The following MALT1 variants were observed in gnomAD, a reference collection of about 807,000 sequenced individuals.
The protein encoded by MALT1 is MALT1 paracaspase, also known as mucosa-associated lymphoid tissue lymphoma translocation protein 1.
A neutral mutation model predicts 85.5 loss-of-function variants in MALT1; 36 were observed. The observed-to-expected ratio is 0.42, with a 90% CI of 0.32 to 0.56. The LOEUF is 0.56. Among genes scored for constraint, MALT1 ranks in the 20% least tolerant of loss-of-function variants. The probability of loss-of-function intolerance (pLI) is 0.10; values close to 1 mark genes in which losing one functional copy is unlikely to be tolerated. For synonymous variants in MALT1, 359 were observed against 361.3 expected, an observed-to-expected ratio of 0.99 and a Z score of 0.07; for missense variants, 716 against 981.6, an observed-to-expected ratio of 0.73 and a Z score of 3.62.
chr18:58,721,035 G>C (rs2054975090), intron 9 of MALT1, among the ~76,000 whole-genome samples: 1 of 152,166 alleles, frequency 6.6e-6, no homozygotes, highest in African/African-American at 2.4e-5. Context: ...CCAGCTAAGA[G>C]TCTTGCTGTA....
At position 58,752,340 on chromosome 18, in the gene MALT1, G is replaced by GT; in HGVS notation, c.*4501dup. The GT allele has an allele frequency of 6.6e-6, 1 of 152,026 alleles. No individual in the cohort carries two copies. Among genetic ancestry groups the GT allele is most frequent in the East Asian group, 1.9e-4 (1 of 5,198 alleles). The allele number at this position is 152,026 out of a possible 1,614,324, so 9.4% of individuals were successfully genotyped here. On this transcript the variant is annotated 3_prime_UTR_variant, in exon 17 of 17. Coordinates refer to ENST00000649217, the MANE Select transcript of MALT1 (RefSeq NM_006785.4). ...TCCAAACAGACGTCCTGACAATGTTGTTTCCTATTCCTTGAACATTCACCT... is the reference window on the plus strand; with the variant it reads ...TCCAAACAGACGTCCTGACAATGTTGTTTTCCTATTCCTTGAACATTCACCT...
At chr18:58,713,982 A>G (rs1444898886) in intron 7 of MALT1, 101 bp from the exon 8 acceptor site, 6 of 627,668 alleles carry the variant, frequency 9.6e-6, no homozygotes, top group East Asian at 2.9e-5. Flanking sequence ...ATAAAACACT[A>G]TAACATGATT....
rs561053379 is a variant in MALT1, at chr18:58,678,978, A to C, written c.210-2192A>C. Reference sequence around the variant, plus strand: ...TGAGGTGTGAATTCTACAGTATATCATGCAGATTATCTAAACACTTTGGTT... The same window carrying C: ...TGAGGTGTGAATTCTACAGTATATCCTGCAGATTATCTAAACACTTTGGTT... On this transcript the variant is annotated intron_variant, in intron 1 of 16. Coordinates refer to ENST00000649217, the MANE Select transcript of MALT1 (RefSeq NM_006785.4). 1.4e-4 allele frequency among the ~76,000 whole-genome samples: 22 copies of C among 152,356 alleles called. 1 individual carries two copies. In the Middle Eastern group the frequency reaches 0.021, roughly 142 times the overall value.
At chr18:58,709,929 C>A (rs748479583) in intron 5 of MALT1, 47 bp from the exon 6 acceptor site, 2 of 1,190,052 alleles carry the variant, frequency 1.7e-6, no homozygotes, top group Non-Finnish European at 2.5e-6. Context: ...TTCTCCAAGC[C>A]ATTAAAATAG....
intron 14 of MALT1, among the ~76,000 whole-genome samples, chr18:58,742,774 G>C (rs1228591088): frequency 6.6e-6 from 1 of 152,196 alleles, no homozygotes; most frequent in Non-Finnish European, 1.5e-5. Flanking sequence ...TGCATAGGTA[G>C]AAATGAGCAT....
intron 1 of MALT1, among the ~76,000 whole-genome samples, chr18:58,673,186 TTC>T (rs2054191904): frequency 1.3e-5 from 2 of 149,112 alleles, no homozygotes; most frequent in Admixed American, 6.6e-5. Flanking sequence ...AAGTCATTCA[TTC>T]AAAATGGTAT....
chr18:58,700,423 T>G lies in MALT1; in HGVS notation c.499-18T>G. The G allele has an allele frequency of 6.3e-7, 1 of 1,578,972 alleles. No homozygotes were observed. Among genetic ancestry groups the G allele is most frequent in the Non-Finnish European group, 8.6e-7 (1 of 1,166,550 alleles). ...GTTTTTGATGAGTCATCCACTTCTC[T>G]TATTGATTCTTTCACAGATTCCAAA... On this transcript the variant is annotated intron_variant, in intron 3 of 16. Coordinates refer to ENST00000649217, the MANE Select transcript of MALT1 (RefSeq NM_006785.4).
intron 10 of MALT1, among the ~76,000 whole-genome samples, chr18:58,731,069 A>T (rs2055142129): frequency 6.6e-6 from 1 of 152,064 alleles, no homozygotes. Flanking sequence ...CTCCTGCCTT[A>T]GCCTCCCAAG....
intron 10 of MALT1, among the ~76,000 whole-genome samples, chr18:58,731,770 C>T (rs999764566): frequency 2.7e-5 from 4 of 146,002 alleles, no homozygotes; most frequent in Non-Finnish European, 5.9e-5. Flanking sequence ...ATAACATAAA[C>T]GTGTGAATCG....
chr18:58,696,294 G>A (rs2054586103), intron 2 of MALT1, 72 bp from the exon 3 acceptor site: 2 of 1,174,968 alleles, frequency 1.7e-6, no homozygotes, highest in South Asian at 2.7e-5. Context: ...TTCAATTTTT[G>A]GTTTCAGATG....
At chr18:58,680,147 C>T (rs1014462410) in intron 1 of MALT1, among the ~76,000 whole-genome samples, 5 of 152,180 alleles carry the variant, frequency 3.3e-5, no homozygotes, top group African/African-American at 4.8e-5. Context: ...ACTATGGCTA[C>T]GAGTTTCTTA....
At chr18:58,735,958 G>T (rs1054544597) in intron 13 of MALT1, among the ~76,000 whole-genome samples, 15 of 151,968 alleles carry the variant, frequency 9.9e-5, no homozygotes, top group African/African-American at 2.9e-4. Flanking sequence ...ATTGCACTGT[G>T]TTTTTTGAAA....
intron 13 of MALT1, among the ~76,000 whole-genome samples, chr18:58,737,347 T>C (rs974346185): frequency 3.3e-5 from 5 of 152,168 alleles, no homozygotes; most frequent in Middle Eastern, 6.8e-3. Flanking sequence ...CCAGGCATTA[T>C]GGTGTGCACC....
intron 2 of MALT1, among the ~76,000 whole-genome samples, chr18:58,685,683 C>T (rs1007251440): frequency 2.6e-5 from 4 of 152,170 alleles, no homozygotes; most frequent in Admixed American, 6.6e-5. Flanking sequence ...TCTTTCTTGT[C>T]GAGCATTTCC....
intron 10 of MALT1, among the ~76,000 whole-genome samples, chr18:58,724,959 A>G (rs1339903554): frequency 6.6e-6 from 1 of 152,060 alleles, no homozygotes; most frequent in East Asian, 1.9e-4. Context: ...CTCCTGTCCA[A>G]CATGGTGAAA....
intron 9 of MALT1, among the ~76,000 whole-genome samples, chr18:58,718,202 C>T (rs537953870): frequency 1.3e-5 from 2 of 152,296 alleles, no homozygotes; most frequent in Non-Finnish European, 2.9e-5. Flanking sequence ...CATTCCATAG[C>T]CTCCGTTAGC....
intron 3 of MALT1, 116 bp downstream of exon 3, chr18:58,696,603 T>C: frequency 1.2e-6 from 1 of 808,620 alleles, no homozygotes; most frequent in Admixed American, 3.1e-5. Context: ...CTGATAGACA[T>C]TGCTAGGTTA....
intron 10 of MALT1, among the ~76,000 whole-genome samples, chr18:58,731,928 G>A (rs191857632): frequency 2.0e-5 from 3 of 152,060 alleles, no homozygotes; most frequent in East Asian, 1.9e-4. Flanking sequence ...CTTGAAAATG[G>A]GTATATCCAT....
intron 10 of MALT1, among the ~76,000 whole-genome samples, chr18:58,724,652 G>A (rs1363374166): frequency 6.6e-6 from 1 of 152,094 alleles, no homozygotes; most frequent in Admixed American, 6.5e-5. Flanking sequence ...TTTGTATCAT[G>A]CACAAAATTA....
Sources: allele counts gnomAD v4.1 joint callset (sites outside exome capture counted in the v4.1 genomes callset), GRCh38; gene constraint gnomAD v4.1.1; transcripts MANE v1.5; gene names NCBI Gene and HGNC (gene_info 2026-07-23, HGNC 2026-07-21).